The following OR9Q1 variants were observed in gnomAD, a reference collection of about 807,000 sequenced individuals.
OR9Q1 encodes olfactory receptor family 9 subfamily Q member 1, also known as olfactory receptor 9Q1.
For missense variants in OR9Q1, 374 were observed against 378.8 expected (o/e 0.99, Z 0.11); for synonymous variants, 153 against 148.6 (o/e 1.03, Z -0.22).
intron 2 of OR9Q1, chr11:58,118,845 G>T: frequency 6.2e-7 from 1 of 1,614,050 alleles, no homozygotes; most frequent in Non-Finnish European, 8.5e-7. Context: ...TGCCAAAGAA[G>T]ATGATGACAA....
In OR9Q1 at chr11:58,032,763, T is replaced by C. The variant is rs557371320; in HGVS notation, c.-93+8659T>C. ...TGCAATGAAAACAAAAATTAACAAG[T>C]GGGACTTAATTAAATAGCTTCTGCA... On this transcript the variant is annotated intron_variant, in intron 1 of 2. Coordinates refer to ENST00000335397, the MANE Select transcript of OR9Q1 (RefSeq NM_001005212.4). Among the ~76,000 whole-genome samples, 36 of 152,208 alleles carry C rather than the reference T, an allele frequency of 2.4e-4. 1 individual carries two copies. Among genetic ancestry groups the C allele is most frequent in the Non-Finnish European group, 4.0e-4 (27 of 68,028 alleles).
In OR9Q1 at chr11:58,069,800, G is replaced by T. The variant is rs1430025725; in HGVS notation, c.-15+13853G>T. ...GTGGGAGATCGCTTGAGCCCAGGAG[G>T]TTGAGGCTGCAGTGAGTCAAGATGG... On this transcript the variant is annotated intron_variant, in intron 2 of 2. Coordinates refer to ENST00000335397, the MANE Select transcript of OR9Q1 (RefSeq NM_001005212.4). Among the ~76,000 whole-genome samples, 8 of 151,704 alleles carry T rather than the reference G, an allele frequency of 5.3e-5. No individual in the cohort carries two copies. The East Asian group carries it at 1.6e-3, about 31-fold the overall frequency.
At chr11:58,054,500 A>G (rs1247369192) in intron 1 of OR9Q1, among the ~76,000 whole-genome samples, 2 of 152,156 alleles carry the variant, frequency 1.3e-5, no homozygotes, top group African/African-American at 4.8e-5. Context: ...TCTTTCAACT[A>G]CAATATAAAC....
chr11:58,074,239 C>A (rs1021152505), intron 2 of OR9Q1, among the ~76,000 whole-genome samples: 7 of 151,656 alleles, frequency 4.6e-5, no homozygotes, highest in African/African-American at 1.7e-4. Context: ...CTTGAGGAAT[C>A]ACCACACTCT....
Position 58,155,160 on chromosome 11 carries a change from G to T in OR9Q1, c.-14-24271G>T, listed in dbSNP as rs533319499. ...GAAGACTCAGGGAAGAGATGGTGTTGTAGTTCTCAGTCTTAAGTTATGTAG... is the reference window on the plus strand; with the variant it reads ...GAAGACTCAGGGAAGAGATGGTGTTTTAGTTCTCAGTCTTAAGTTATGTAG... On this transcript the variant is annotated intron_variant, in intron 2 of 2. Transcript: ENST00000335397. 2.6e-5 allele frequency among the ~76,000 whole-genome samples: 4 copies of T among 152,246 alleles called. No individual in the cohort carries two copies. In the East Asian group the frequency reaches 7.7e-4, roughly 29 times the overall value.
At chr11:58,059,992 G>C (rs994435075) in intron 2 of OR9Q1, 4 of 152,206 alleles carry the variant, frequency 2.6e-5, no homozygotes, top group Non-Finnish European at 5.9e-5. Context: ...GATCTTTGTG[G>C]ATTGTGTCAA....
chr11:58,158,871 T>C (rs1854432778), intron 2 of OR9Q1, among the ~76,000 whole-genome samples: 1 of 152,188 alleles, frequency 6.6e-6, no homozygotes, highest in Non-Finnish European at 1.5e-5. Flanking sequence ...TAGAGAAATA[T>C]GAGGCTAATG....
chr11:58,154,790 T>C (rs956161687), intron 2 of OR9Q1, among the ~76,000 whole-genome samples: 4 of 152,184 alleles, frequency 2.6e-5, no homozygotes, highest in Admixed American at 2.6e-4. Flanking sequence ...CATAACATAG[T>C]CAGCAGCTGA....
chr11:58,175,847 A>G (rs1854601876), intron 2 of OR9Q1, among the ~76,000 whole-genome samples: 2 of 151,922 alleles, frequency 1.3e-5, no homozygotes, highest in African/African-American at 2.4e-5. Flanking sequence ...TCAAAATTCA[A>G]TGACTCAACA....
Position 58,180,669 on chromosome 11 carries a change from AT to A in OR9Q1, c.*300del, listed in dbSNP as rs1043543748. On this transcript the variant is annotated 3_prime_UTR_variant, in exon 3 of 3. Coordinates refer to ENST00000335397, the MANE Select transcript of OR9Q1 (RefSeq NM_001005212.4). ...TCACCTGTCTGTGATTATAAGAGTA[AT>A]TTTTTTTGCAAAATTTTTAATGAAA... 1.8e-4 allele frequency: 45 copies of A among 253,338 alleles called. No individual in the cohort carries two copies. Among genetic ancestry groups the A allele is most frequent in the East Asian group, 3.4e-4 (4 of 11,678 alleles). 15.7% of individuals were successfully genotyped at this position (253,338 alleles called of 1,614,324 possible). A position where few individuals can be genotyped will look rare whatever the true frequency, so the allele number is the denominator to read the frequency against.
At chr11:58,176,285 C>T (rs1477447764) in intron 2 of OR9Q1, among the ~76,000 whole-genome samples, 2 of 152,184 alleles carry the variant, frequency 1.3e-5, no homozygotes, top group African/African-American at 4.8e-5. Flanking sequence ...AGGATTCAGG[C>T]CTTTTAAACC....
chr11:58,129,236 CGTGTGTGTGTGT>C (rs59902083), intron 2 of OR9Q1, among the ~76,000 whole-genome samples: 14 of 144,858 alleles, frequency 9.7e-5, no homozygotes, highest in East Asian at 6.2e-4. Context: ...CAGAGCAATT[CGTGTGTGTGTGT>C]GTGTGTGTGT....
chr11:58,124,109 G>A (rs118104423), intron 2 of OR9Q1, among the ~76,000 whole-genome samples: 440 of 152,194 alleles, frequency 2.9e-3, no homozygotes, highest in Middle Eastern at 6.8e-3. Flanking sequence ...AAAATTTTAG[G>A]AGCAGACTGG....
At chr11:58,032,863 G>C (rs929508908) in intron 1 of OR9Q1, among the ~76,000 whole-genome samples, 1 of 152,102 alleles carries the variant, frequency 6.6e-6, no homozygotes, top group African/African-American at 2.4e-5. Flanking sequence ...CTATGCATCT[G>C]ACAAAGGTTT....
chr11:58,143,270 C>A (rs988413776), intron 2 of OR9Q1, among the ~76,000 whole-genome samples: 1 of 152,154 alleles, frequency 6.6e-6, no homozygotes, highest in African/African-American at 2.4e-5. Context: ...GCATTGTAAT[C>A]CTCATTTAAC....
chr11:58,157,753 C>G (rs1431961378), intron 2 of OR9Q1, among the ~76,000 whole-genome samples: 1 of 152,202 alleles, frequency 6.6e-6, no homozygotes, highest in Non-Finnish European at 1.5e-5. Flanking sequence ...AGGTCCTTTC[C>G]TAATGAGGCT....
Position 58,181,197 on chromosome 11 carries a change from T to C in OR9Q1, c.*820T>C, listed in dbSNP as rs1251959322. 1 of 167,116 alleles carries C rather than the reference T, an allele frequency of 6.0e-6. No individual in the cohort carries two copies. Among genetic ancestry groups the C allele is most frequent in the Non-Finnish European group, 1.5e-5 (1 of 68,132 alleles). The allele number at this position is 167,116 out of a possible 1,614,324, so 10.4% of individuals were successfully genotyped here. A position where few individuals can be genotyped will look rare whatever the true frequency, so the allele number is the denominator to read the frequency against. ...TCATATGGCATGACTAAAAATCCAC[T>C]TAGCAAAGTTATACCATTCCCACTG... is the stretch of plus-strand genomic sequence containing the variant. On this transcript the variant is annotated 3_prime_UTR_variant, in exon 3 of 3. Transcript: ENST00000335397.
At chr11:58,070,784 A>G (rs760343577) in intron 2 of OR9Q1, among the ~76,000 whole-genome samples, 2 of 152,178 alleles carry the variant, frequency 1.3e-5, no homozygotes, top group Non-Finnish European at 2.9e-5. Context: ...TGAGGGGCTA[A>G]GAGACAGGAT....
chr11:58,120,696 G>T (rs902817393), intron 2 of OR9Q1, among the ~76,000 whole-genome samples: 1 of 151,028 alleles, frequency 6.6e-6, no homozygotes, highest in Non-Finnish European at 1.5e-5. Context: ...ATCAATTTTA[G>T]TTGGTAGCTA....
Sources: gnomAD v4.1 joint callset for allele counts (sites outside exome capture counted in the v4.1 genomes callset) on GRCh38, gnomAD v4.1.1 for gene constraint, MANE v1.5 for transcripts, NCBI Gene and HGNC (gene_info 2026-07-23, HGNC 2026-07-21) for gene names.